STXBP5L: variants seen among roughly 807,000 people sequenced by gnomAD.
The protein encoded by STXBP5L is syntaxin-binding protein 5-like.
STXBP5L carries 65 observed loss-of-function variants against 144.5 expected under a neutral mutation model. The observed-to-expected ratio is 0.45, with a 90% CI of 0.37 to 0.55. The LOEUF (loss-of-function observed/expected upper bound fraction) is 0.55. Among genes scored for constraint, STXBP5L ranks in the 20% least tolerant of loss-of-function variants. STXBP5L has a pLI of 0.00. For synonymous variants in STXBP5L, 505 were observed against 469.6 expected (o/e 1.08, Z -0.97); for missense variants, 1,298 against 1,405.5 (o/e 0.92, Z 1.22).
chr3:120,942,123 TATAA>T (rs773513714), intron 2 of STXBP5L, among the ~76,000 whole-genome samples: 19 of 151,750 alleles, frequency 1.3e-4, no homozygotes, highest in Non-Finnish European at 2.7e-4. Context: ...AATCGCTGTG[TATAA>T]ATAATTTTAT....
chr3:121,206,885 A>G (rs1424390992), intron 10 of STXBP5L, among the ~76,000 whole-genome samples: 1 of 152,204 alleles, frequency 6.6e-6, no homozygotes, highest in Non-Finnish European at 1.5e-5. Context: ...AATTAGTGGC[A>G]ATACACTCAT....
intron 10 of STXBP5L, among the ~76,000 whole-genome samples, chr3:121,212,346 G>A (rs1050789946): frequency 6.6e-6 from 1 of 152,008 alleles, no homozygotes; most frequent in Admixed American, 6.6e-5. Flanking sequence ...TATGGTTTTA[G>A]GTCTTAAGTT....
chr3:121,327,398 C>T (rs533572006), intron 20 of STXBP5L, among the ~76,000 whole-genome samples: 15 of 152,290 alleles, frequency 9.8e-5, no homozygotes, highest in African/African-American at 2.9e-4. Context: ...GAGATAAATA[C>T]TTTCACAAAG....
At chr3:121,131,896 A>G (rs939202716) in intron 7 of STXBP5L, among the ~76,000 whole-genome samples, 1 of 152,198 alleles carries the variant, frequency 6.6e-6, no homozygotes, top group African/African-American at 2.4e-5. Flanking sequence ...CCAGGAGAAC[A>G]TGAAACCAGA....
intron 20 of STXBP5L, among the ~76,000 whole-genome samples, chr3:121,325,133 T>G (rs1397824): frequency 0.77 from 116,330 of 151,564 alleles, 44,767 homozygotes; most frequent in East Asian, 0.93. Context: ...TAGCTCATAG[T>G]GTTAAAAAGA....
intron 3 of STXBP5L, among the ~76,000 whole-genome samples, chr3:121,029,866 AG>A (rs1946237804): frequency 6.6e-6 from 1 of 152,120 alleles, no homozygotes; most frequent in Non-Finnish European, 1.5e-5. Context: ...AAGTGGGCAA[AG>A]GATATGAACA....
chr3:121,045,382 A>G, intron 4 of STXBP5L, 53 bp from the exon 5 acceptor site: 1 of 1,515,240 alleles, frequency 6.6e-7, no homozygotes, highest in Non-Finnish European at 8.9e-7. Flanking sequence ...TGTGATTAAA[A>G]AAACCCTAAA....
intron 1 of STXBP5L, 102 bp from the exon 2 acceptor site, chr3:120,909,469 G>A: frequency 2.9e-6 from 3 of 1,024,678 alleles, no homozygotes; most frequent in South Asian, 3.5e-5. Context: ...CTCATAAAAT[G>A]GGGACTGACT....
chr3:120,968,703 C>A (rs1299726965), intron 3 of STXBP5L, among the ~76,000 whole-genome samples: 1 of 152,106 alleles, frequency 6.6e-6, no homozygotes, highest in Admixed American at 6.6e-5. Context: ...AATATATAGT[C>A]TTTTATCCCT....
chr3:120,986,086 A>G (rs1942261076), intron 3 of STXBP5L, among the ~76,000 whole-genome samples: 2 of 151,848 alleles, frequency 1.3e-5, no homozygotes, highest in South Asian at 2.1e-4. Flanking sequence ...GAGTTTTGGT[A>G]TGTTTTCATT....
At chr3:121,194,688 C>A (rs995610507) in intron 9 of STXBP5L, among the ~76,000 whole-genome samples, 2 of 152,016 alleles carry the variant, frequency 1.3e-5, no homozygotes, top group Admixed American at 1.3e-4. Flanking sequence ...ACAGTGAAGC[C>A]CTCTGGGCCT....
intron 3 of STXBP5L, among the ~76,000 whole-genome samples, chr3:121,008,771 G>A (rs573346813): frequency 6.1e-4 from 93 of 152,066 alleles, no homozygotes; most frequent in African/African-American, 2.2e-3. Context: ...TTTGGTTTGA[G>A]GCAATTTTAT....
At chr3:121,026,926 G>C (rs564272062) in intron 3 of STXBP5L, among the ~76,000 whole-genome samples, 3 of 151,828 alleles carry the variant, frequency 2.0e-5, no homozygotes, top group Admixed American at 2.0e-4. Flanking sequence ...ACTTCCATAA[G>C]TTTCTGCTTT....
intron 5 of STXBP5L, among the ~76,000 whole-genome samples, chr3:121,055,261 G>A (rs1466617038): frequency 6.6e-6 from 1 of 152,074 alleles, no homozygotes; most frequent in Non-Finnish European, 1.5e-5. Context: ...GGGAGGTTCA[G>A]GTCCTATAGG....
chr3:120,991,646 C>A (rs994970851), intron 3 of STXBP5L, among the ~76,000 whole-genome samples: 1 of 152,148 alleles, frequency 6.6e-6, no homozygotes, highest in Non-Finnish European at 1.5e-5. Context: ...GAATACTGTG[C>A]AGCCATAAAA....
rs750398063 is a variant in STXBP5L at position 121,418,352 on chromosome 3, C to G, written c.3242C>G (p.Ala1081Gly). 3.1e-6 allele frequency: 5 copies of G among 1,613,134 alleles called. No homozygotes were observed. The change falls in exon 26 of 27, where the codon GCA (alanine) becomes GGA (glycine). Residue 1081 changes from alanine (A) to glycine (G), a missense_variant. Coordinates refer to ENST00000471454, the MANE Select transcript of STXBP5L (RefSeq NM_001308330.2). ...ATATTCTCAGTTGGGGAAGCTTCGG[C>G]AGGAAAAGCATCCCGCAGCCTTGCG... ...DREELFGEASAGKASRSLAQH... is the reference protein window; with the variant it reads ...DREELFGEASGGKASRSLAQH...
At chr3:121,256,425 G>A (rs928611054) in intron 16 of STXBP5L, among the ~76,000 whole-genome samples, 2 of 151,808 alleles carry the variant, frequency 1.3e-5, no homozygotes, top group African/African-American at 2.4e-5. Flanking sequence ...ATCATTTAAT[G>A]CATTTTATGC....
chr3:121,315,141 A>T (rs1052757043), intron 19 of STXBP5L, among the ~76,000 whole-genome samples: 1 of 152,158 alleles, frequency 6.6e-6, no homozygotes, highest in Non-Finnish European at 1.5e-5. Flanking sequence ...CTGGGTATAT[A>T]CCCAAAGGAT....
intron 5 of STXBP5L, among the ~76,000 whole-genome samples, chr3:121,094,720 T>A (rs1025548544): frequency 5.9e-5 from 9 of 152,218 alleles, no homozygotes; most frequent in Admixed American, 5.9e-4. Flanking sequence ...TCTTGACTCC[T>A]TATCCAATTT....
Sources: allele counts gnomAD v4.1 joint callset (sites outside exome capture counted in the v4.1 genomes callset), GRCh38; gene constraint gnomAD v4.1.1; transcripts MANE v1.5; gene names NCBI Gene and HGNC (gene_info 2026-07-23, HGNC 2026-07-21).